Variants in CTIF observed in about 807,000 individuals in gnomAD.
The protein encoded by CTIF is CBP80/20-dependent translation initiation factor.
In CTIF, 21 loss-of-function variants were observed where a neutral mutation model predicts 66.0. The observed-to-expected ratio is 0.32, with a 90% CI of 0.23 to 0.46. The LOEUF (loss-of-function observed/expected upper bound fraction) is 0.46. Among genes scored for constraint, CTIF ranks in the 20% least tolerant of loss-of-function variants. CTIF has a pLI of 1.00. For synonymous variants in CTIF, 345 were observed against 326.4 expected, an observed-to-expected ratio of 1.06 and a Z score of -0.62; for missense variants, 739 against 812.7, an observed-to-expected ratio of 0.91 and a Z score of 1.10.
chr18:48,663,915 G>C, intron 4 of CTIF, 90 bp downstream of exon 4: 1 of 1,173,422 alleles, frequency 8.5e-7, no homozygotes, highest in Non-Finnish European at 1.3e-6. Flanking sequence ...GATGGTTCAT[G>C]AGCAAGAGGC....
At chr18:48,819,970 G>A (rs922472986) in intron 10 of CTIF, among the ~76,000 whole-genome samples, 4 of 151,912 alleles carry the variant, frequency 2.6e-5, no homozygotes, top group South Asian at 2.1e-4. Context: ...CAACGAGGCC[G>A]GAGGATGGAA....
Position 48,758,329 on chromosome 18 carries a change from A to G in CTIF, c.995A>G (p.Glu332Gly), listed in dbSNP as rs1306235196. ...AAACGTAAAGACAGTATTCTTCCCGAGCGCATCGGGGAGCGGCCCAAAATT... is the reference window on the plus strand; with the variant it reads ...AAACGTAAAGACAGTATTCTTCCCGGGCGCATCGGGGAGCGGCCCAAAATT... ...ETKRKDSILPERIGERPKITL... is the reference protein window; with the variant it reads ...ETKRKDSILPGRIGERPKITL... Residue 332 changes from glutamate (E) to glycine (G), a missense_variant, in exon 8 of 12, where the codon GAG (glutamate) becomes GGG (glycine). Transcript: ENST00000256413. The G allele has an allele frequency of 6.8e-6, 11 of 1,612,744 alleles. No individual in the cohort carries two copies. The highest frequency in any genetic ancestry group is 9.3e-6 in the Non-Finnish European group (11 of 1,179,928).
intron 1 of CTIF, among the ~76,000 whole-genome samples, chr18:48,584,066 G>A (rs565673075): frequency 2.6e-4 from 39 of 152,188 alleles, no homozygotes; most frequent in Admixed American, 4.6e-4. Flanking sequence ...TGAAGAAAGC[G>A]GCCCCTGCCT....
At chr18:48,742,651 C>T (rs1030074591) in intron 7 of CTIF, among the ~76,000 whole-genome samples, 11 of 152,192 alleles carry the variant, frequency 7.2e-5, no homozygotes, top group South Asian at 2.1e-4. Context: ...CTCATTTAAC[C>T]CTCAGAAGCC....
intron 7 of CTIF, among the ~76,000 whole-genome samples, chr18:48,739,402 T>A (rs1402796816): frequency 1.3e-5 from 2 of 152,216 alleles, no homozygotes; most frequent in Non-Finnish European, 2.9e-5. Context: ...GATGGGCCAC[T>A]GCGGGGAGGT....
At chr18:48,579,439 C>A (rs1157758788) in intron 1 of CTIF, among the ~76,000 whole-genome samples, 3 of 152,198 alleles carry the variant, frequency 2.0e-5, no homozygotes, top group African/African-American at 7.2e-5. Flanking sequence ...AGCCACTGTG[C>A]CTGGCCATCT....
rs113570978 is a variant in CTIF at position 48,857,593 on chromosome 18, G to A, written c.1533G>A (p.Leu511=). The A allele has an allele frequency of 2.3e-4, 365 of 1,608,718 alleles. 1 individual carries two copies. The highest frequency in any genetic ancestry group is 1.5e-3 in the Middle Eastern group (9 of 6,042). The change falls in exon 11 of 12, where the codon TTG becomes TTA. Residue 511 remains leucine, a synonymous_variant. Transcript: ENST00000256413. ...TCTGCCCCTCTCTTCCACAGCTCTT[G>A]CAATCTCAGGATGTGAAGGAAGATG... ...CPIYTCLREL[L]QSQDVKEDAV... is the part of the protein sequence containing the mutation.
At position 48,615,318 on chromosome 18, in the gene CTIF, C is replaced by T. The variant is rs560532790; in HGVS notation, c.-28-4220C>T. On this transcript the variant is annotated intron_variant, in intron 1 of 11. Transcript: ENST00000256413. ...GGCAGAGGAGGGCCATGCTCTCTCC[C>T]TCTCTCTGCTCCTTCTTCTCTTGTG... Among the ~76,000 whole-genome samples the T allele has an allele frequency of 9.8e-5, 15 of 152,354 alleles. No homozygotes were observed. The South Asian group carries it at 2.5e-3, about 25-fold the overall frequency.
chr18:48,601,580 T>A (rs1316548447), intron 1 of CTIF, among the ~76,000 whole-genome samples: 1 of 151,838 alleles, frequency 6.6e-6, no homozygotes, highest in African/African-American at 2.4e-5. Flanking sequence ...CTGTGGGGAG[T>A]GGAAATGCAG....
chr18:48,585,222 C>T (rs778130988), intron 1 of CTIF, among the ~76,000 whole-genome samples: 6 of 152,242 alleles, frequency 3.9e-5, no homozygotes, highest in Non-Finnish European at 8.8e-5. Context: ...GGGGTGTTAA[C>T]ACCATTTGAA....
intron 3 of CTIF, among the ~76,000 whole-genome samples, chr18:48,648,429 C>G (rs1185205716): frequency 1.3e-5 from 2 of 151,812 alleles, no homozygotes; most frequent in African/African-American, 2.4e-5. Context: ...TCTATTTCCC[C>G]CTTTCCCAGC....
At position 48,688,869 on chromosome 18, in the gene CTIF, G is replaced by A. The variant is rs143475808; in HGVS notation, c.507+18125G>A. 2.4e-3 allele frequency among the ~76,000 whole-genome samples: 367 copies of A among 152,376 alleles called. 1 individual carries two copies. The highest frequency in any genetic ancestry group is 7.5e-3 in the African/African-American group (310 of 41,596). On this transcript the variant is annotated intron_variant, in intron 6 of 11. Coordinates refer to ENST00000256413, the MANE Select transcript of CTIF (RefSeq NM_014772.3). Reference sequence around the variant, plus strand: ...CTGCACAGAAAATGTTCTGTAGAGAGGAAAGAGGGGGAGAAAAAGAAAGGA... The same window carrying A: ...CTGCACAGAAAATGTTCTGTAGAGAAGAAAGAGGGGGAGAAAAAGAAAGGA...
chr18:48,659,597 A>G (rs998975590), intron 3 of CTIF, among the ~76,000 whole-genome samples: 2 of 152,222 alleles, frequency 1.3e-5, no homozygotes. Context: ...AGCTCTGAGA[A>G]TCAGAGTTGC....
chr18:48,721,379 C>T (rs1291837361), intron 7 of CTIF, among the ~76,000 whole-genome samples: 1 of 152,182 alleles, frequency 6.6e-6, no homozygotes, highest in African/African-American at 2.4e-5. Flanking sequence ...TGGTTTCATT[C>T]CTCCTCAGAG....
rs568317476 is a variant in CTIF at position 48,761,302 on chromosome 18, G to A, written c.1072-88G>A. ...GAAGTAGGCCTGGTCCTGCTTTCTG[G>A]GGGTGGCCACCCTCTTTCCACCAGG... On this transcript the variant is annotated intron_variant, in intron 8 of 11. Transcript: ENST00000256413. This position sits in a 1 kb window ranked among gnomAD's most constrained non-coding sequence, Gnocchi z 4.2. 3.8e-6 allele frequency: 5 copies of A among 1,319,586 alleles called. No individual in the cohort carries two copies. In the South Asian group the frequency reaches 5.5e-5, roughly 15 times the overall value. The allele number at this position is 1,319,586 out of a possible 1,614,324, so 81.7% of individuals were successfully genotyped here.
chr18:48,620,543 G>A (rs528847494), intron 2 of CTIF, among the ~76,000 whole-genome samples: 3 of 152,290 alleles, frequency 2.0e-5, no homozygotes, highest in African/African-American at 7.2e-5. Flanking sequence ...TGTCTGTGGG[G>A]CTGTGTTTTC....
rs573890570 is a variant in CTIF at position 48,572,446 on chromosome 18, G to A, written c.-29+33134G>A. On this transcript the variant is annotated intron_variant, in intron 1 of 11. Coordinates refer to ENST00000256413, the MANE Select transcript of CTIF (RefSeq NM_014772.3). ...AGCCTGGGTTGCCTGTGTGGCTATC[G>A]GAGGTAAAGATGAGTCCTCTCTTTT... Among the ~76,000 whole-genome samples, 11 of 152,260 alleles carry A rather than the reference G, an allele frequency of 7.2e-5. No homozygotes were observed. In the East Asian group the frequency reaches 1.4e-3, roughly 19 times the overall value.
rs1166028404 is a variant in CTIF, at chr18:48,745,488, T to G, written c.585-12431T>G. ...CAAAACTTTCATCCACTGACTTCCA[T>G]TGATGATTCTTGCTTGAAACAATTG... On this transcript the variant is annotated intron_variant, in intron 7 of 11. Coordinates refer to ENST00000256413, the MANE Select transcript of CTIF (RefSeq NM_014772.3). Among the ~76,000 whole-genome samples the G allele has an allele frequency of 2.6e-5, 4 of 152,254 alleles. No homozygotes were observed. In the East Asian group the frequency reaches 7.7e-4, roughly 29 times the overall value.
intron 9 of CTIF, among the ~76,000 whole-genome samples, chr18:48,790,142 C>T (rs1194818704): frequency 3.3e-5 from 5 of 152,312 alleles, no homozygotes; most frequent in East Asian, 3.9e-4. Flanking sequence ...CCCCCAGTAC[C>T]GTATGTCCTT....
Sources: allele counts gnomAD v4.1 joint callset (sites outside exome capture counted in the v4.1 genomes callset), GRCh38; gene constraint gnomAD v4.1.1; non-coding constraint Gnocchi (gnomAD v3.1); transcripts MANE v1.5; gene names NCBI Gene and HGNC (gene_info 2026-07-23, HGNC 2026-07-21).